The following KCNMA1 variants were observed in gnomAD, a reference collection of about 807,000 sequenced individuals.
KCNMA1 encodes potassium calcium-activated channel subfamily M alpha 1.
Under a neutral mutation model 140.0 loss-of-function variants are expected in KCNMA1, and 29 were observed. The ratio of observed to expected loss-of-function variants is 0.21; its 90% confidence interval spans 0.15 to 0.28. The LOEUF is 0.28. Ranked by LOEUF, KCNMA1 falls within the 10% of genes least tolerant of loss-of-function variation. The pLI is 1.00. For missense variants in KCNMA1, 880 were observed against 1,602.2 expected (o/e 0.55, Z 7.70); for synonymous variants, 612 against 611.9 (o/e 1.00, Z 0.00).
At chr10:77,334,211 G>A (rs893310489) in intron 2 of KCNMA1, among the ~76,000 whole-genome samples, 1 of 152,014 alleles carries the variant, frequency 6.6e-6, no homozygotes, top group African/African-American at 2.4e-5. Flanking sequence ...TTCGCTCACC[G>A]CTCTACTCCC....
intron 18 of KCNMA1, among the ~76,000 whole-genome samples, chr10:77,004,210 C>CCA (rs1296376941): frequency 2.8e-4 from 36 of 126,718 alleles, no homozygotes; most frequent in Non-Finnish European, 5.0e-5. Flanking sequence ...CAAACAAGTG[C>CCA]CACCACACAC....
At chr10:77,541,556 T>C (rs2060186771) in intron 1 of KCNMA1, among the ~76,000 whole-genome samples, 1 of 152,142 alleles carries the variant, frequency 6.6e-6, no homozygotes, top group Admixed American at 6.5e-5. Context: ...CAAAGCCCAT[T>C]CTTGAAACTA....
chr10:76,889,418 A>T, intron 27 of KCNMA1, 33 bp downstream of exon 27: 1 of 1,342,280 alleles, frequency 7.5e-7, no homozygotes, highest in South Asian at 1.2e-5. Context: ...TTCTGTGATT[A>T]GGTGGGAGGG....
intron 2 of KCNMA1, among the ~76,000 whole-genome samples, chr10:77,369,747 A>G (rs1241782595): frequency 6.6e-6 from 1 of 152,186 alleles, no homozygotes; most frequent in Non-Finnish European, 1.5e-5. Context: ...TCTACAAGTT[A>G]CTGAGGCAGG....
intron 18 of KCNMA1, among the ~76,000 whole-genome samples, chr10:77,003,600 A>G (rs2153420975): frequency 6.6e-6 from 1 of 152,326 alleles, no homozygotes; most frequent in Non-Finnish European, 1.5e-5. Context: ...GCTTCACCGT[A>G]GATAAATCAT....
intron 1 of KCNMA1, among the ~76,000 whole-genome samples, chr10:77,510,392 C>T (rs1415445412): frequency 6.6e-6 from 1 of 152,038 alleles, no homozygotes; most frequent in Non-Finnish European, 1.5e-5. Context: ...TTGAAAGAAA[C>T]CCGTCACTGT....
chr10:76,972,124 C>T (rs375917733), intron 19 of KCNMA1, among the ~76,000 whole-genome samples: 1 of 152,098 alleles, frequency 6.6e-6, no homozygotes. Context: ...TCAGGGTGAC[C>T]TAGACTGGTT....
At chr10:76,892,391 C>T (rs2151899057) in intron 25 of KCNMA1, among the ~76,000 whole-genome samples, 1 of 152,164 alleles carries the variant, frequency 6.6e-6, no homozygotes, top group East Asian at 1.9e-4. Context: ...ATTTGTGTCA[C>T]ATCTGAAACA....
At chr10:77,299,519 G>A (rs370800460) in intron 2 of KCNMA1, among the ~76,000 whole-genome samples, 4 of 152,158 alleles carry the variant, frequency 2.6e-5, no homozygotes, top group East Asian at 1.9e-4. Context: ...GGTCCAAATG[G>A]ACACTTTCTG....
At chr10:77,367,648 A>G (rs1020306429) in intron 2 of KCNMA1, among the ~76,000 whole-genome samples, 8 of 152,234 alleles carry the variant, frequency 5.3e-5, no homozygotes, top group Admixed American at 5.2e-4. Context: ...AGCCACCACC[A>G]TAATCAAGAT....
chr10:77,367,069 G>C (rs1232669735), intron 2 of KCNMA1, among the ~76,000 whole-genome samples: 1 of 152,194 alleles, frequency 6.6e-6, no homozygotes, highest in African/African-American at 2.4e-5. Context: ...AAAATAGCAT[G>C]CATACTGCAT....
chr10:77,583,361 T>G (rs571444683), intron 1 of KCNMA1, among the ~76,000 whole-genome samples: 1 of 152,186 alleles, frequency 6.6e-6, no homozygotes, highest in African/African-American at 2.4e-5. Context: ...ATCCAGGTCC[T>G]GACAAATAGA....
At chr10:77,177,335 T>A (rs2098760075) in intron 5 of KCNMA1, among the ~76,000 whole-genome samples, 1 of 150,824 alleles carries the variant, frequency 6.6e-6, no homozygotes, top group Non-Finnish European at 1.5e-5. Context: ...TTTTCCTTCC[T>A]TCCTTTCTTC....
chr10:77,052,620 C>A (rs199897005), intron 14 of KCNMA1, among the ~76,000 whole-genome samples: 314 of 141,448 alleles, frequency 2.2e-3, no homozygotes, highest in Middle Eastern at 3.6e-3. Context: ...GATGAGTGTG[C>A]AAAAAAAAAA....
chr10:77,246,832 T>A (rs1202531961), intron 3 of KCNMA1, among the ~76,000 whole-genome samples: 1 of 152,170 alleles, frequency 6.6e-6, no homozygotes, highest in Non-Finnish European at 1.5e-5. Context: ...AATTGTGCCC[T>A]TGGATGAGAT....
At chr10:76,902,328 G>A (rs542633876) in intron 25 of KCNMA1, 1 of 152,326 alleles carries the variant, frequency 6.6e-6, no homozygotes, top group Admixed American at 6.5e-5. Context: ...GGATCATGTA[G>A]GTGAGATCCT....
intron 24 of KCNMA1, chr10:76,912,484 A>G (rs1865022): frequency 1 from 152,113 of 152,372 alleles, 75,927 homozygotes; most frequent in Middle Eastern, 1. Flanking sequence ...GGGAGGTGAA[A>G]TGGTCTGAGG....
chr10:77,582,943 C>T (rs528686814), intron 1 of KCNMA1, among the ~76,000 whole-genome samples: 189 of 152,372 alleles, frequency 1.2e-3, no homozygotes, highest in Non-Finnish European at 2.0e-3. Flanking sequence ...CCACCAGCCC[C>T]ATCCGCCAAT....
chr10:77,179,838 C>T (rs972463315), intron 5 of KCNMA1, among the ~76,000 whole-genome samples: 10 of 152,260 alleles, frequency 6.6e-5, no homozygotes, highest in Middle Eastern at 3.4e-3. Flanking sequence ...TAAGTGAGTC[C>T]GTGTCTGTGA....
Sources: allele counts gnomAD v4.1 joint callset (sites outside exome capture counted in the v4.1 genomes callset), GRCh38; gene constraint gnomAD v4.1.1; transcripts MANE v1.5; gene names NCBI Gene and HGNC (gene_info 2026-07-23, HGNC 2026-07-21).